ANKRD31: variants seen among roughly 807,000 people sequenced by gnomAD.
ANKRD31 encodes ankyrin repeat domain 31.
ANKRD31 carries 147 observed loss-of-function variants against 186.0 expected under a neutral mutation model. The observed-to-expected ratio is 0.79, with a 90% confidence interval of 0.69 to 0.91. The LOEUF is 0.91. Ranked by LOEUF, ANKRD31 falls within the 40% of genes least tolerant of loss-of-function variation. The pLI, the probability that ANKRD31 is intolerant of heterozygous loss-of-function variation, is 0.00. For synonymous variants in ANKRD31, 673 were observed against 736.4 expected, an observed-to-expected ratio of 0.91 and a Z score of 1.39; for missense variants, 1,986 against 2,148.8, an observed-to-expected ratio of 0.92 and a Z score of 1.50.
intron 8 of ANKRD31, 28 bp downstream of exon 8, chr5:75,193,283 G>A: frequency 6.5e-7 from 1 of 1,529,150 alleles, no homozygotes; most frequent in Non-Finnish European, 8.8e-7. Context: ...AGCATACCTG[G>A]AGATAAAGAC....
chr5:75,131,798 C>T (rs1310610494), intron 17 of ANKRD31, among the ~76,000 whole-genome samples: 1 of 152,154 alleles, frequency 6.6e-6, no homozygotes, highest in Non-Finnish European at 1.5e-5. Context: ...CCAGGTGTCC[C>T]TCTGAGACAA....
At chr5:75,096,768 C>A (rs1169120356) in intron 22 of ANKRD31, among the ~76,000 whole-genome samples, 1 of 151,964 alleles carries the variant, frequency 6.6e-6, no homozygotes, top group Non-Finnish European at 1.5e-5. Context: ...CACCCATTAA[C>A]TCGTCATTTA....
intron 16 of ANKRD31, 63 bp from the exon 17 acceptor site, chr5:75,138,061 T>A: frequency 7.6e-7 from 1 of 1,316,946 alleles, no homozygotes; most frequent in Non-Finnish European, 9.8e-7. Flanking sequence ...ATGTAATATC[T>A]GTATTACTAA....
rs370430239 is a variant in ANKRD31, at chr5:75,160,117, C to G, written c.1708-5772G>C. 3.3e-5 allele frequency among the ~76,000 whole-genome samples: 5 copies of G among 151,760 alleles called. No homozygotes were observed. In the East Asian group the frequency reaches 9.6e-4, roughly 29 times the overall value. On this transcript the variant is annotated intron_variant, in intron 11 of 25. Transcript: ENST00000506364. ...TTCTTATCTCAGCTTCTTTAAGAGA[C>G]CTAAGACCATATAAAGTAATATTTG...
At chr5:75,195,527 A>C in intron 7 of ANKRD31, 104 bp downstream of exon 7, 3 of 997,980 alleles carry the variant, frequency 3.0e-6, no homozygotes, top group Non-Finnish European at 4.3e-6. Flanking sequence ...TCATAGACTC[A>C]TATTTTCAGC....
At chr5:75,137,659 T>C (rs1476562853) in intron 17 of ANKRD31, among the ~76,000 whole-genome samples, 197 bp downstream of exon 17, 1 of 152,174 alleles carries the variant, frequency 6.6e-6, no homozygotes, top group Non-Finnish European at 1.5e-5. Flanking sequence ...GAAGAAATAA[T>C]GGAGAAATGA....
At chr5:75,167,812 C>G (rs999977341) in intron 11 of ANKRD31, among the ~76,000 whole-genome samples, 2 of 152,154 alleles carry the variant, frequency 1.3e-5, no homozygotes, top group Non-Finnish European at 2.9e-5. Context: ...TTAAAATGCT[C>G]AGGGCTCACT....
chr5:75,117,155 T>C (rs1748359344), intron 18 of ANKRD31, among the ~76,000 whole-genome samples: 1 of 152,140 alleles, frequency 6.6e-6, no homozygotes, highest in African/African-American at 2.4e-5. Flanking sequence ...ATATTCTTCA[T>C]CCTTTGGGGT....
chr5:75,132,031 A>G (rs1749887785), intron 17 of ANKRD31, among the ~76,000 whole-genome samples: 1 of 152,224 alleles, frequency 6.6e-6, no homozygotes, highest in South Asian at 2.1e-4. Context: ...TCAAAGACCA[A>G]AGGTAGATAA....
At chr5:75,099,857 T>G (rs1159778905) in intron 22 of ANKRD31, among the ~76,000 whole-genome samples, 1 of 152,208 alleles carries the variant, frequency 6.6e-6, no homozygotes, top group Non-Finnish European at 1.5e-5. Flanking sequence ...ATTTTGTTGA[T>G]CTTTTCAAAA....
intron 1 of ANKRD31, among the ~76,000 whole-genome samples, chr5:75,233,910 C>T (rs955369433): frequency 6.6e-6 from 1 of 151,726 alleles, no homozygotes; most frequent in African/African-American, 2.4e-5. Context: ...GAATGAGACT[C>T]CGTCTCAAAA....
intron 17 of ANKRD31, among the ~76,000 whole-genome samples, chr5:75,130,429 A>G (rs1459032631): frequency 1.3e-5 from 2 of 152,152 alleles, no homozygotes; most frequent in African/African-American, 2.4e-5. Flanking sequence ...CCCCACCTAC[A>G]TCCTACTGAT....
chr5:75,224,129 T>TTATTTATATA lies in ANKRD31; in HGVS notation c.179-1772_179-1771insTATATAAATA, dbSNP rs1757468518. ...AAAGGAAGAGATCTCTCAGAAATAA[T>TTATTTATATA]TATATATATATATATATATATATAT... On this transcript the variant is annotated intron_variant, in intron 2 of 25. Coordinates refer to ENST00000506364, the MANE Select transcript of ANKRD31 (RefSeq NM_001372053.1). Among the ~76,000 whole-genome samples, 45 of 105,770 alleles carry TTATTTATATA rather than the reference T, an allele frequency of 4.3e-4. 2 individuals carry two copies. The highest frequency in any genetic ancestry group is 4.9e-4 in the Non-Finnish European group (26 of 52,608). 69.4% of individuals were successfully genotyped at this position (105,770 alleles called of 152,430 possible).
chr5:75,222,341 T>C lies in ANKRD31; in HGVS notation c.196A>G (p.Ile66Val). 6.5e-7 allele frequency: 1 copy of C among 1,536,264 alleles called. No individual in the cohort carries two copies. The stretch of plus-strand genomic sequence containing the variant: ...TCTCTGAGCTTAAATCCAAGTTGAA[T>C]CTCAGGAGAAGGCATGCCTAGAGTG... ...GMCKGMPSPEIQLGFKLREDL... is the reference protein window; with the variant it reads ...GMCKGMPSPEVQLGFKLREDL... The change falls in exon 3 of 26, where the codon ATT becomes GTT. Residue 66 changes from isoleucine (I) to valine (V), a missense_variant. Transcript: ENST00000506364.
At chr5:75,163,421 C>T (rs1273692962) in intron 11 of ANKRD31, among the ~76,000 whole-genome samples, 1 of 152,182 alleles carries the variant, frequency 6.6e-6, no homozygotes, top group African/African-American at 2.4e-5. Flanking sequence ...TTTTATTACC[C>T]TTTGTGGATG....
chr5:75,174,277 T>C (rs748579523), intron 10 of ANKRD31, among the ~76,000 whole-genome samples: 60 of 152,246 alleles, frequency 3.9e-4, no homozygotes, highest in Middle Eastern at 3.4e-3. Flanking sequence ...ATAAAAACCC[T>C]AGAAGAAAAC....
intron 10 of ANKRD31, among the ~76,000 whole-genome samples, chr5:75,184,822 A>C: frequency 6.6e-6 from 1 of 152,180 alleles, no homozygotes; most frequent in Non-Finnish European, 1.5e-5. Context: ...AAAAAATTAA[A>C]AATAGAACTA....
chr5:75,115,360 T>C (rs1748131278), intron 19 of ANKRD31, among the ~76,000 whole-genome samples: 1 of 152,306 alleles, frequency 6.6e-6, no homozygotes, highest in African/African-American at 2.4e-5. Flanking sequence ...AAGCACTTCA[T>C]GTCTAAAACA....
chr5:75,202,329 T>C lies in ANKRD31; in HGVS notation c.404-2655A>G, dbSNP rs1418944633. ...ATATTTTACAGTAATTTGATTACTATATTAAAAACCAACACATTTAGAAGG... is the reference window on the plus strand; with the variant it reads ...ATATTTTACAGTAATTTGATTACTACATTAAAAACCAACACATTTAGAAGG... On this transcript the variant is annotated intron_variant, in intron 5 of 25. Transcript: ENST00000506364. Among the ~76,000 whole-genome samples, 3 of 152,260 alleles carry C rather than the reference T, an allele frequency of 2.0e-5. 1 individual carries two copies. In the South Asian group the frequency reaches 6.2e-4, roughly 31 times the overall value.
Sources: allele counts gnomAD v4.1 joint callset (sites outside exome capture counted in the v4.1 genomes callset), GRCh38; gene constraint gnomAD v4.1.1; transcripts MANE v1.5; gene names NCBI Gene and HGNC (gene_info 2026-07-23, HGNC 2026-07-21).